Variants in PTPRG observed in about 807,000 individuals in gnomAD.
PTPRG encodes the protein receptor-type tyrosine-protein phosphatase gamma.
A neutral mutation model predicts 165.3 loss-of-function variants in PTPRG; 102 were observed. That is an observed-to-expected ratio of 0.62 (90% CI 0.53 to 0.73). The LOEUF (loss-of-function observed/expected upper bound fraction) is 0.73, where lower values mean the gene tolerates loss of function less well. Among genes scored for constraint, PTPRG ranks in the 30% least tolerant of loss-of-function variants. The probability of loss-of-function intolerance (pLI) is 0.00; values close to 1 mark genes in which losing one functional copy is unlikely to be tolerated. For synonymous variants in PTPRG, 675 were observed against 669.5 expected (o/e 1.01, Z -0.13); for missense variants, 1,866 against 1,861.4 (o/e 1.00, Z -0.05).
chr3:62,139,265 G>C (rs971989326), intron 6 of PTPRG, among the ~76,000 whole-genome samples: 2 of 152,106 alleles, frequency 1.3e-5, no homozygotes, highest in Admixed American at 6.5e-5. Context: ...AGGAGTTCGA[G>C]ACCAGCCTGG....
chr3:61,983,921 T>G (rs1222765103), intron 2 of PTPRG, among the ~76,000 whole-genome samples: 2 of 152,310 alleles, frequency 1.3e-5, no homozygotes, highest in South Asian at 4.1e-4. Context: ...TGAATAGAAT[T>G]AACTAGCATT....
intron 4 of PTPRG, among the ~76,000 whole-genome samples, chr3:62,016,553 A>C (rs556522682): frequency 6.6e-6 from 1 of 152,012 alleles, no homozygotes; most frequent in East Asian, 1.9e-4. Flanking sequence ...CTTTTCCACT[A>C]TTTCTACCCT....
intron 1 of PTPRG, among the ~76,000 whole-genome samples, chr3:61,566,301 G>T (rs1393260847): frequency 6.6e-6 from 1 of 152,228 alleles, no homozygotes; most frequent in Non-Finnish European, 1.5e-5. Flanking sequence ...AGCGAATGCT[G>T]ATGATTTAAT....
chr3:62,287,178 A>G (rs888953713), intron 28 of PTPRG, among the ~76,000 whole-genome samples: 3 of 152,162 alleles, frequency 2.0e-5, no homozygotes, highest in African/African-American at 4.8e-5. Context: ...AAGAGCTAAG[A>G]AAAAAGGGGA....
At chr3:61,920,610 G>A (rs901417008) in intron 2 of PTPRG, among the ~76,000 whole-genome samples, 12 of 152,126 alleles carry the variant, frequency 7.9e-5, no homozygotes, top group African/African-American at 1.2e-4. Flanking sequence ...TGGCCAGGAT[G>A]GTCTCTGTCT....
intron 8 of PTPRG, among the ~76,000 whole-genome samples, chr3:62,184,194 G>A (rs1026826139): frequency 3.9e-5 from 6 of 152,310 alleles, no homozygotes; most frequent in African/African-American, 7.2e-5. Context: ...GCACAGAGCC[G>A]GGCCCAGGGC....
chr3:61,996,184 T>C lies in PTPRG; in HGVS notation c.370+6380T>C, dbSNP rs186517472. Among the ~76,000 whole-genome samples the C allele has an allele frequency of 3.3e-5, 5 of 152,330 alleles. No homozygotes were observed. In the South Asian group the frequency reaches 6.2e-4, roughly 19 times the overall value. ...CAATAATAACCTAAATGTGTTCTTA[T>C]TGTAATAAAACCTCTCTTATCCCTG... On this transcript the variant is annotated intron_variant, in intron 3 of 29. Coordinates refer to ENST00000474889, the MANE Select transcript of PTPRG (RefSeq NM_002841.4).
At chr3:62,185,615 C>G (rs945699864) in intron 8 of PTPRG, among the ~76,000 whole-genome samples, 4 of 152,204 alleles carry the variant, frequency 2.6e-5, no homozygotes, top group African/African-American at 9.7e-5. Flanking sequence ...TGAGTACACA[C>G]TCCCATCTAA....
At chr3:61,723,623 A>T (rs1348675961) in intron 1 of PTPRG, among the ~76,000 whole-genome samples, 1 of 152,238 alleles carries the variant, frequency 6.6e-6, no homozygotes, top group Non-Finnish European at 1.5e-5. Flanking sequence ...TTGTAGATTC[A>T]CAGGAAGGTG....
chr3:62,280,111 C>T (rs1319446682), intron 26 of PTPRG, among the ~76,000 whole-genome samples: 1 of 152,020 alleles, frequency 6.6e-6, no homozygotes, highest in Non-Finnish European at 1.5e-5. Context: ...TTGCCTGATT[C>T]AAGGCTGAAA....
At chr3:61,711,451 A>G (rs1210079648) in intron 1 of PTPRG, among the ~76,000 whole-genome samples, 1 of 152,166 alleles carries the variant, frequency 6.6e-6, no homozygotes, top group African/African-American at 2.4e-5. Flanking sequence ...TGACTTTTTA[A>G]TGATCGCCAT....
chr3:61,938,438 T>C (rs2039533014), intron 2 of PTPRG, among the ~76,000 whole-genome samples: 1 of 152,206 alleles, frequency 6.6e-6, no homozygotes, highest in South Asian at 2.1e-4. Context: ...TGGAGTTTGA[T>C]GTAAATTGAA....
chr3:61,932,201 A>G (rs539184439), intron 2 of PTPRG, among the ~76,000 whole-genome samples: 4 of 152,300 alleles, frequency 2.6e-5, no homozygotes, highest in East Asian at 1.9e-4. Flanking sequence ...TCTGAAGCCA[A>G]TGGTTTGGTA....
intron 12 of PTPRG, among the ~76,000 whole-genome samples, chr3:62,206,489 A>G (rs76271102): frequency 3.2e-4 from 48 of 151,806 alleles, no homozygotes; most frequent in East Asian, 1.6e-3. Flanking sequence ...GGCTGTGGAG[A>G]CCCCCTCACT....
At chr3:62,138,152 C>G (rs1050651753) in intron 6 of PTPRG, among the ~76,000 whole-genome samples, 7 of 152,164 alleles carry the variant, frequency 4.6e-5, no homozygotes, top group Non-Finnish European at 1.0e-4. Context: ...TTTTACAACC[C>G]ATTTTGGACT....
rs931976957 is a variant in PTPRG at position 62,104,091 on chromosome 3, A to G, written c.615+25833A>G. On this transcript the variant is annotated intron_variant, in intron 5 of 29. Transcript: ENST00000474889. Reference sequence around the variant, plus strand: ...TTATGGAGCCTAAGCTTGCTGCTACATGGGAGGGAGCTCTACTTGCTTTAC... The same window carrying G: ...TTATGGAGCCTAAGCTTGCTGCTACGTGGGAGGGAGCTCTACTTGCTTTAC... Among the ~76,000 whole-genome samples, 6 of 152,336 alleles carry G rather than the reference A, an allele frequency of 3.9e-5. No homozygotes were observed. In the East Asian group the frequency reaches 1.2e-3, roughly 29 times the overall value.
chr3:61,862,591 C>T (rs1190974507), intron 2 of PTPRG, among the ~76,000 whole-genome samples: 1 of 152,078 alleles, frequency 6.6e-6, no homozygotes, highest in Non-Finnish European at 1.5e-5. Flanking sequence ...GACGGGGTTT[C>T]TCCATGTTGG....
chr3:61,820,274 A>G (rs958153594), intron 2 of PTPRG, among the ~76,000 whole-genome samples: 1 of 152,170 alleles, frequency 6.6e-6, no homozygotes, highest in Admixed American at 6.5e-5. Context: ...GGCCTGAAGA[A>G]ACTTATGGCC....
chr3:61,956,595 C>T (rs775293631), intron 2 of PTPRG, among the ~76,000 whole-genome samples: 1 of 152,082 alleles, frequency 6.6e-6, no homozygotes, highest in African/African-American at 2.4e-5. Context: ...ATATGCCAGT[C>T]ACCATATCTG....
Sources: gnomAD v4.1 joint callset for allele counts (sites outside exome capture counted in the v4.1 genomes callset) on GRCh38, gnomAD v4.1.1 for gene constraint, MANE v1.5 for transcripts, NCBI Gene and HGNC (gene_info 2026-07-23, HGNC 2026-07-21) for gene names.